SPATA13: variants seen among roughly 807,000 people sequenced by gnomAD.
SPATA13 encodes the protein spermatogenesis-associated protein 13.
Under a neutral mutation model 104.0 loss-of-function variants are expected in SPATA13, and 50 were observed. The ratio of observed to expected loss-of-function variants is 0.48; its 90% CI spans 0.38 to 0.61. The LOEUF (loss-of-function observed/expected upper bound fraction) is 0.61, where lower values mean the gene tolerates loss of function less well. Among genes scored for constraint, SPATA13 ranks in the 20% least tolerant of loss-of-function variants. SPATA13 has a pLI of 0.00. For missense variants in SPATA13, 1,524 were observed against 1,690.6 expected, an observed-to-expected ratio of 0.90 and a Z score of 1.73; for synonymous variants, 606 against 667.5, an observed-to-expected ratio of 0.91 and a Z score of 1.42.
intron 1 of SPATA13, among the ~76,000 whole-genome samples, chr13:24,186,995 A>G (rs1869192051): frequency 6.6e-6 from 1 of 152,218 alleles, no homozygotes; most frequent in African/African-American, 2.4e-5. Flanking sequence ...CAAACTGAGA[A>G]GAACCAACAA....
At chr13:24,257,785 C>T (rs1289597211) in intron 4 of SPATA13, among the ~76,000 whole-genome samples, 1 of 152,088 alleles carries the variant, frequency 6.6e-6, no homozygotes, top group Non-Finnish European at 1.5e-5. Context: ...ACCACCTATC[C>T]ACATTTTTCA....
rs1872239154 is a variant in SPATA13, at chr13:24,231,020, GC to G, written c.1653+6439del. Among the ~76,000 whole-genome samples, 3 of 152,170 alleles carry G rather than the reference GC, an allele frequency of 2.0e-5. No homozygotes were observed. The South Asian group carries it at 6.2e-4, about 32-fold the overall frequency. On this transcript the variant is annotated intron_variant, in intron 2 of 12. Coordinates refer to ENST00000382108, the MANE Select transcript of SPATA13 (RefSeq NM_001166271.3). ...ATGATTTTTGGGAAATGTAGTGTGT[GC>G]AGCCACTACCACCGTCCAGCTAAAG... is the stretch of plus-strand genomic sequence containing the variant.
intron 1 of SPATA13, among the ~76,000 whole-genome samples, chr13:24,173,368 GT>G (rs1427449381): frequency 3.1e-4 from 6 of 19,176 alleles, no homozygotes; most frequent in Admixed American, 1.4e-3. Context: ...TTAGTTGTGT[GT>G]GTGTGTGTGT....
At chr13:24,133,509 G>T (rs1256909727) in intron 3 of SPATA13, among the ~76,000 whole-genome samples, 1 of 152,164 alleles carries the variant, frequency 6.6e-6, no homozygotes, top group Non-Finnish European at 1.5e-5. Flanking sequence ...TGCTGAGCTC[G>T]GGCAGGTGCT....
At chr13:24,216,502 T>C (rs1871267142) in intron 1 of SPATA13, among the ~76,000 whole-genome samples, 1 of 152,232 alleles carries the variant, frequency 6.6e-6, no homozygotes, top group Non-Finnish European at 1.5e-5. Context: ...CCATATACTT[T>C]CAATTCACAA....
intron 4 of SPATA13, among the ~76,000 whole-genome samples, chr13:24,265,250 T>G (rs1393980077): frequency 1.3e-5 from 2 of 152,036 alleles, no homozygotes; most frequent in African/African-American, 4.8e-5. Flanking sequence ...CCAACAGGAG[T>G]CGGCCTGCTG....
At chr13:24,281,063 C>T (rs751421718) in intron 4 of SPATA13, among the ~76,000 whole-genome samples, 17 of 152,310 alleles carry the variant, frequency 1.1e-4, no homozygotes, top group South Asian at 4.1e-4. Flanking sequence ...CCCACCCACC[C>T]GTGCTCCCAG....
At chr13:24,210,766 G>GTTTT (rs58789886) in intron 1 of SPATA13, among the ~76,000 whole-genome samples, 26,740 of 136,342 alleles carry the variant, frequency 0.2, 2,963 homozygotes, top group South Asian at 0.26. Flanking sequence ...GAATTTTAGG[G>GTTTT]TTTTTTTTTT....
At chr13:24,037,135 T>C (rs1877712752) in intron 3 of SPATA13, among the ~76,000 whole-genome samples, 1 of 140,038 alleles carries the variant, frequency 7.1e-6, no homozygotes, top group Non-Finnish European at 1.5e-5. Flanking sequence ...TTAAGCTAAT[T>C]GAAAACAGGT....
intron 1 of SPATA13, among the ~76,000 whole-genome samples, chr13:24,194,206 A>G (rs1332715872): frequency 6.6e-6 from 1 of 152,222 alleles, no homozygotes; most frequent in Non-Finnish European, 1.5e-5. Flanking sequence ...CAGATCACAC[A>G]TTATATAAGA....
chr13:24,267,038 C>T (rs1353758790), intron 4 of SPATA13, among the ~76,000 whole-genome samples: 1 of 151,706 alleles, frequency 6.6e-6, no homozygotes, highest in Non-Finnish European at 1.5e-5. Context: ...AGGCTCTGAT[C>T]ACTAAAAAAA....
At chr13:24,120,539 C>T (rs1470165437) in intron 3 of SPATA13, among the ~76,000 whole-genome samples, 1 of 152,162 alleles carries the variant, frequency 6.6e-6, no homozygotes, top group Non-Finnish European at 1.5e-5. Context: ...CTGGCTACAC[C>T]ACTCACTAGC....
At position 24,172,556 on chromosome 13, in the gene SPATA13, G is replaced by A. The variant is rs1431406966; in HGVS notation, c.-112+11624G>A. Reference sequence around the variant, plus strand: ...TAGCAGGCATGAGATTTAGGTCAGTGTTTTTTTCTTGGCCTGTAGATGTCT... The same window carrying A: ...TAGCAGGCATGAGATTTAGGTCAGTATTTTTTTCTTGGCCTGTAGATGTCT... On this transcript the variant is annotated intron_variant, in intron 1 of 12. Coordinates refer to ENST00000382108, the MANE Select transcript of SPATA13 (RefSeq NM_001166271.3). Among the ~76,000 whole-genome samples the A allele has an allele frequency of 2.0e-5, 3 of 152,122 alleles. No homozygotes were observed. The East Asian group carries it at 5.8e-4, about 29-fold the overall frequency.
rs574479192 is a variant in SPATA13, at chr13:24,224,749, A to G, written c.1653+167A>G. 13 of 714,526 alleles carry G rather than the reference A, an allele frequency of 1.8e-5. No homozygotes were observed. The East Asian group carries it at 2.2e-4, about 12-fold the overall frequency. 44.3% of individuals were successfully genotyped at this position (714,526 alleles called of 1,614,324 possible). On this transcript the variant is annotated intron_variant, in intron 2 of 12. Transcript: ENST00000382108. ...GGAGTTGTCAAGTTGCTGTTTACCA[A>G]GTTCAGAAGTAATCTCTATCTCCTT... is the stretch of plus-strand genomic sequence containing the variant.
chr13:24,072,816 T>G (rs1280023095), intron 3 of SPATA13, among the ~76,000 whole-genome samples: 1 of 132,212 alleles, frequency 7.6e-6, no homozygotes, highest in East Asian at 2.2e-4. Flanking sequence ...CAGTGTCTAC[T>G]GTTGGCTCCT....
chr13:24,287,058 T>C, intron 7 of SPATA13, 108 bp downstream of exon 7: 2 of 857,016 alleles, frequency 2.3e-6, no homozygotes, highest in Non-Finnish European at 3.4e-6. Context: ...GGCTCCCACA[T>C]GTATGCTCAT....
At chr13:24,211,222 C>G (rs2138588712) in intron 1 of SPATA13, among the ~76,000 whole-genome samples, 1 of 152,210 alleles carries the variant, frequency 6.6e-6, no homozygotes, top group East Asian at 1.9e-4. Context: ...TAACTTCTTC[C>G]TTTCTGATTC....
At chr13:23,995,977 C>T (rs868449768) in intron 2 of SPATA13, among the ~76,000 whole-genome samples, 8 of 152,132 alleles carry the variant, frequency 5.3e-5, no homozygotes, top group Non-Finnish European at 8.8e-5. Context: ...GAGAGACAAC[C>T]GAGCAGATAG....
intron 3 of SPATA13, among the ~76,000 whole-genome samples, chr13:24,044,725 G>T (rs1878067062): frequency 6.6e-6 from 1 of 151,928 alleles, no homozygotes; most frequent in Non-Finnish European, 1.5e-5. Flanking sequence ...GTACATTATT[G>T]TTAACTATAG....
Sources: gnomAD v4.1 joint callset for allele counts (sites outside exome capture counted in the v4.1 genomes callset) on GRCh38, gnomAD v4.1.1 for gene constraint, MANE v1.5 for transcripts, NCBI Gene and HGNC (gene_info 2026-07-23, HGNC 2026-07-21) for gene names.